The following LINGO2 variants were observed in gnomAD, a reference collection of about 807,000 sequenced individuals.
LINGO2 encodes the protein leucine rich repeat and Ig domain containing 2.
A neutral mutation model predicts 30.6 loss-of-function variants in LINGO2; 14 were observed. The observed-to-expected ratio is 0.46, with a 90% confidence interval of 0.30 to 0.72. The LOEUF (loss-of-function observed/expected upper bound fraction) is 0.72. Ranked by LOEUF, LINGO2 falls within the 30% of genes least tolerant of loss-of-function variation. LINGO2 has a pLI of 0.07. For missense variants in LINGO2, 729 were observed against 751.7 expected (o/e 0.97, Z 0.35); for synonymous variants, 317 against 288.5 (o/e 1.10, Z -1.00).
At chr9:28,008,624 C>T (rs1446014358) in intron 5 of LINGO2, among the ~76,000 whole-genome samples, 1 of 152,042 alleles carries the variant, frequency 6.6e-6, no homozygotes, top group Non-Finnish European at 1.5e-5. Context: ...AATATAAATA[C>T]ATAAATACTG....
chr9:28,801,002 C>T, the LINGO2 span, among the ~76,000 whole-genome samples: 1 of 152,028 alleles, frequency 6.6e-6, no homozygotes, highest in Non-Finnish European at 1.5e-5. Context: ...GCTAGAGATG[C>T]TACAATCCCA....
the LINGO2 span, among the ~76,000 whole-genome samples, chr9:28,928,532 A>G: frequency 6.6e-6 from 1 of 152,244 alleles, no homozygotes; most frequent in African/African-American, 2.4e-5. Flanking sequence ...ACAGTTTTAG[A>G]GGTTCCCACA....
the LINGO2 span, among the ~76,000 whole-genome samples, chr9:29,033,446 A>C: frequency 6.7e-6 from 1 of 149,638 alleles, no homozygotes. Context: ...ATTTTTGATG[A>C]CTGCCATTCA....
chr9:28,003,543 C>T (rs1461582103), intron 5 of LINGO2, among the ~76,000 whole-genome samples: 1 of 152,142 alleles, frequency 6.6e-6, no homozygotes, highest in African/African-American at 2.4e-5. Flanking sequence ...ACTGCAAGCT[C>T]CGCCTCCCGA....
At chr9:28,014,183 C>G (rs1045293208) in intron 4 of LINGO2, among the ~76,000 whole-genome samples, 1 of 151,994 alleles carries the variant, frequency 6.6e-6, no homozygotes, top group Non-Finnish European at 1.5e-5. Flanking sequence ...TTGGTGCGCT[C>G]GAGCATTTGG....
chr9:27,965,323 T>G (rs1820047062), intron 5 of LINGO2, among the ~76,000 whole-genome samples: 1 of 152,100 alleles, frequency 6.6e-6, no homozygotes, highest in Admixed American at 6.6e-5. Context: ...TACCTTATAC[T>G]TCTCTCATGC....
chr9:28,659,760 T>A (rs1043428782), intron 1 of LINGO2, among the ~76,000 whole-genome samples: 3 of 152,134 alleles, frequency 2.0e-5, no homozygotes, highest in African/African-American at 7.2e-5. Context: ...ATGGCTGACT[T>A]CTGAATTGCA....
In LINGO2 at chr9:27,949,139, C is replaced by T. The variant is rs201237761; in HGVS notation, c.1533G>A (p.Ala511=). The T allele has an allele frequency of 3.2e-5, 52 of 1,613,948 alleles. No homozygotes were observed. Among genetic ancestry groups the T allele is most frequent in the South Asian group, 1.2e-4 (11 of 91,068 alleles). The change falls in exon 6 of 6, where the codon GCG becomes GCA. Residue 511 remains alanine (A), a synonymous_variant. Transcript: ENST00000379992. The stretch of plus-strand genomic sequence containing the variant: ...CGGTCATGTACATAGGGGTCCTGTT[C>T]GCATAAAGAAAACGATCTGAAGCGA...
In LINGO2 at chr9:28,105,788, A is replaced by C. The variant is rs980432568; in HGVS notation, c.-86-93383T>G. Among the ~76,000 whole-genome samples, 21 of 152,270 alleles carry C rather than the reference A, an allele frequency of 1.4e-4. 1 individual carries two copies. Among genetic ancestry groups the C allele is most frequent in the Non-Finnish European group, 3.1e-4 (21 of 68,004 alleles). Reference sequence around the variant, plus strand: ...GAAGAAAGGCCACGTGAGGACACAGAGAGAAGGTGGCTGTCTACAAGCCAG... The same window carrying C: ...GAAGAAAGGCCACGTGAGGACACAGCGAGAAGGTGGCTGTCTACAAGCCAG... On this transcript the variant is annotated intron_variant, in intron 4 of 5. Transcript: ENST00000379992.
chr9:28,959,858 C>T, the LINGO2 span, among the ~76,000 whole-genome samples: 1 of 151,956 alleles, frequency 6.6e-6, no homozygotes, highest in Non-Finnish European at 1.5e-5. Context: ...TAATATATAC[C>T]AACTCTAAAA....
At chr9:28,179,395 T>C (rs1016289422) in intron 4 of LINGO2, among the ~76,000 whole-genome samples, 8 of 129,094 alleles carry the variant, frequency 6.2e-5, no homozygotes, top group African/African-American at 8.5e-5. Context: ...AGTATATATA[T>C]ACTATAGTAT....
intron 4 of LINGO2, among the ~76,000 whole-genome samples, chr9:28,216,457 A>T (rs1273812508): frequency 6.6e-6 from 1 of 151,956 alleles, no homozygotes; most frequent in Non-Finnish European, 1.5e-5. Context: ...AGCATAACTC[A>T]CTTATATATC....
intron 1 of LINGO2, among the ~76,000 whole-genome samples, chr9:28,665,175 T>A (rs889240462): frequency 1.3e-5 from 2 of 151,690 alleles, no homozygotes; most frequent in Non-Finnish European, 2.9e-5. Flanking sequence ...ATAGCTGACA[T>A]TTATCAAGAG....
At chr9:28,225,064 T>C (rs1167882930) in intron 4 of LINGO2, among the ~76,000 whole-genome samples, 1 of 152,120 alleles carries the variant, frequency 6.6e-6, no homozygotes, top group African/African-American at 2.4e-5. Context: ...GATATCCATA[T>C]GCACAGGAAT....
At chr9:28,269,521 C>T (rs1822868972) in intron 4 of LINGO2, among the ~76,000 whole-genome samples, 1 of 152,050 alleles carries the variant, frequency 6.6e-6, no homozygotes, top group African/African-American at 2.4e-5. Context: ...TTCTTTCATT[C>T]TAAATTCTCC....
intron 1 of LINGO2, among the ~76,000 whole-genome samples, chr9:28,667,226 T>C (rs1365078278): frequency 6.6e-6 from 1 of 152,118 alleles, no homozygotes. Context: ...ATTTTCACAG[T>C]TTTTTCTCAC....
At chr9:28,117,170 A>C (rs1056430446) in intron 4 of LINGO2, among the ~76,000 whole-genome samples, 1 of 147,744 alleles carries the variant, frequency 6.8e-6, no homozygotes, top group Admixed American at 6.8e-5. Context: ...ATACTCTGCC[A>C]TGTGAGGTGT....
chr9:28,647,402 G>C lies in LINGO2; in HGVS notation c.-365+22798C>G, dbSNP rs552979361. ...TCTTTAGAACTTTAACAGGTTTGCT[G>C]CCAGTTCTAATATTCGGTGAGCTTT... On this transcript the variant is annotated intron_variant, in intron 1 of 5. Coordinates refer to ENST00000379992, the Ensembl canonical transcript of LINGO2. Among the ~76,000 whole-genome samples, 22 of 152,102 alleles carry C rather than the reference G, an allele frequency of 1.4e-4. No homozygotes were observed. In the East Asian group the frequency reaches 4.3e-3, roughly 29 times the overall value.
chr9:28,089,162 A>G (rs1826001436), intron 4 of LINGO2, among the ~76,000 whole-genome samples: 1 of 152,180 alleles, frequency 6.6e-6, no homozygotes, highest in Non-Finnish European at 1.5e-5. Context: ...TCAACGAGAC[A>G]GAAAGTTAAC....
Sources: allele counts gnomAD v4.1 joint callset (sites outside exome capture counted in the v4.1 genomes callset), GRCh38; gene constraint gnomAD v4.1.1; transcripts MANE v1.5; gene names NCBI Gene and HGNC (gene_info 2026-07-23, HGNC 2026-07-21).